Variants in PSAP observed in about 807,000 individuals in gnomAD.
The protein encoded by PSAP is prosaposin, also known as precursor of saposins.
A neutral mutation model predicts 66.0 loss-of-function variants in PSAP; 25 were observed. The observed-to-expected ratio is 0.38, with a 90% confidence interval of 0.28 to 0.53. The LOEUF (loss-of-function observed/expected upper bound fraction) is 0.53, where lower values mean the gene tolerates loss of function less well. PSAP is among the 20% of genes least tolerant of loss of function. The pLI is 0.83. For missense variants in PSAP, 649 were observed against 668.8 expected (o/e 0.97, Z 0.33); for synonymous variants, 273 against 258.9 (o/e 1.05, Z -0.52).
intron 1 of PSAP, among the ~76,000 whole-genome samples, chr10:71,841,500 G>T (rs1011918148): frequency 6.6e-6 from 1 of 152,176 alleles, no homozygotes; most frequent in Non-Finnish European, 1.5e-5. Flanking sequence ...GAGGATATCA[G>T]ACTGGCCCAG....
chr10:71,836,211 T>C (rs1418377080), intron 1 of PSAP, among the ~76,000 whole-genome samples: 1 of 152,226 alleles, frequency 6.6e-6, no homozygotes, highest in Non-Finnish European at 1.5e-5. Flanking sequence ...CAGAGGCTGC[T>C]GGTTTGGACT....
At chr10:71,837,639 C>T (rs986785016) in intron 1 of PSAP, among the ~76,000 whole-genome samples, 22 of 152,206 alleles carry the variant, frequency 1.4e-4, no homozygotes, top group Admixed American at 1.3e-4. Flanking sequence ...TGAACAGTCA[C>T]GATTTTCTTT....
chr10:71,843,142 G>A (rs576658016), intron 1 of PSAP, among the ~76,000 whole-genome samples: 1 of 152,136 alleles, frequency 6.6e-6, no homozygotes, highest in Admixed American at 6.5e-5. Flanking sequence ...GGGGAACTCT[G>A]ATAAGGCAAC....
intron 1 of PSAP, among the ~76,000 whole-genome samples, chr10:71,834,828 T>C (rs1426648634): frequency 1.3e-5 from 2 of 152,326 alleles, no homozygotes; most frequent in East Asian, 1.9e-4. Context: ...AACCTTAAAA[T>C]GTTTCCATAA....
chr10:71,847,112 C>G (rs1004099777), intron 1 of PSAP, among the ~76,000 whole-genome samples: 5 of 152,118 alleles, frequency 3.3e-5, no homozygotes, highest in African/African-American at 1.2e-4. Context: ...CTACAAAATG[C>G]CACACCAATC....
At chr10:71,824,657 T>C (rs1842366043) in intron 7 of PSAP, among the ~76,000 whole-genome samples, 1 of 152,254 alleles carries the variant, frequency 6.6e-6, no homozygotes, top group South Asian at 2.1e-4. Flanking sequence ...GAATATTCAA[T>C]GGCCAACATA....
intron 1 of PSAP, among the ~76,000 whole-genome samples, chr10:71,842,543 A>G (rs1842749034): frequency 6.6e-6 from 1 of 152,218 alleles, no homozygotes; most frequent in Non-Finnish European, 1.5e-5. Context: ...TCCTGCAACC[A>G]AAAGTTTGAG....
chr10:71,833,033 A>AAAAAAAAAAAAC (rs1564821821), intron 2 of PSAP, among the ~76,000 whole-genome samples: 1 of 122,134 alleles, frequency 8.2e-6, no homozygotes, highest in Non-Finnish European at 1.6e-5. Flanking sequence ...AAAAAAAAAC[A>AAAAAAAAAAAAC]AAAAACAAAA....
intron 1 of PSAP, among the ~76,000 whole-genome samples, chr10:71,844,298 AT>A (rs915526669): frequency 1.2e-4 from 19 of 152,210 alleles, no homozygotes; most frequent in African/African-American, 4.1e-4. Context: ...ACAAGGAGAC[AT>A]GTACGAGAAT....
chr10:71,822,398 T>C (rs1310556949), intron 7 of PSAP, among the ~76,000 whole-genome samples: 1 of 152,172 alleles, frequency 6.6e-6, no homozygotes, highest in Admixed American at 6.5e-5. Context: ...GGAACTACCA[T>C]GCCCATAAAC....
In PSAP at chr10:71,817,037, G is replaced by C; in HGVS notation, c.*404C>G. 2.9e-6 allele frequency: 1 copy of C among 346,036 alleles called. No homozygotes were observed. The highest frequency in any genetic ancestry group is 2.9e-5 in the South Asian group (1 of 34,252). The allele number at this position is 346,036 out of a possible 1,614,324, so 21.4% of individuals were successfully genotyped here. ...GGGAGGGTCCCTGATCAGGGCAGGA[G>C]GCCACCTCAGAAGCCCAGGCCCACC... On this transcript the variant is annotated 3_prime_UTR_variant, in exon 14 of 14. Coordinates refer to ENST00000394936, the MANE Select transcript of PSAP (RefSeq NM_002778.4).
chr10:71,834,077 G>A (rs983272325), intron 2 of PSAP, among the ~76,000 whole-genome samples: 1 of 152,212 alleles, frequency 6.6e-6, no homozygotes, highest in African/African-American at 2.4e-5. Context: ...CAGAGGCCCA[G>A]AGGCAGCATG....
At chr10:71,841,918 A>C (rs1292757201) in intron 1 of PSAP, among the ~76,000 whole-genome samples, 1 of 152,024 alleles carries the variant, frequency 6.6e-6, no homozygotes, top group Non-Finnish European at 1.5e-5. Context: ...AGGCAGGAGA[A>C]TCACTTGAAC....
chr10:71,830,051 A>G (rs1842481438), intron 4 of PSAP, among the ~76,000 whole-genome samples: 1 of 152,146 alleles, frequency 6.6e-6, no homozygotes, highest in Admixed American at 6.5e-5. Flanking sequence ...CTGGAGGAGA[A>G]GAGTCAGCAA....
chr10:71,834,835 A>G (rs144330770), intron 1 of PSAP, among the ~76,000 whole-genome samples: 35 of 152,248 alleles, frequency 2.3e-4, no homozygotes, highest in South Asian at 4.1e-4. Flanking sequence ...AAATGTTTCC[A>G]TAAGTAACAA....
Position 71,851,185 on chromosome 10 carries a change from C to T in PSAP, c.37G>A (p.Ala13Thr). The change falls in exon 1 of 14, where the codon GCG (alanine) becomes ACG (threonine). Residue 13 changes from alanine to threonine, a missense_variant. By Grantham distance (58) the Ala-to-Thr change is moderately conservative. Transcript: ENST00000394936. ...GGATGAGGGTCCCAGGGCTTACCCG[C>T]GCCCAGGAGGCTGGCCAGGAGGAAG... ...ALFLLASLLG[A>T]ALAGPVLGLK... 6.4e-7 allele frequency: 1 copy of T among 1,551,080 alleles called. No individual in the cohort carries two copies. Among genetic ancestry groups the T allele is most frequent in the East Asian group, 2.4e-5 (1 of 40,918 alleles).
chr10:71,837,134 A>C (rs1842641059), intron 1 of PSAP, among the ~76,000 whole-genome samples: 1 of 152,228 alleles, frequency 6.6e-6, no homozygotes, highest in African/African-American at 2.4e-5. Context: ...AGGAAGTAAC[A>C]CGTAAATTCC....
chr10:71,838,748 C>A (rs1272506339), intron 1 of PSAP, among the ~76,000 whole-genome samples: 1 of 151,934 alleles, frequency 6.6e-6, no homozygotes, highest in Non-Finnish European at 1.5e-5. Flanking sequence ...AAAGCCAGAG[C>A]CTGTCTCAGA....
intron 11 of PSAP, 64 bp from the exon 12 acceptor site, chr10:71,819,175 A>C: frequency 7.2e-7 from 1 of 1,391,052 alleles, no homozygotes; most frequent in East Asian, 2.3e-5. Context: ...GGGGCACAAA[A>C]GGCCAGGCAG....
Sources: allele counts gnomAD v4.1 joint callset (sites outside exome capture counted in the v4.1 genomes callset), GRCh38; gene constraint gnomAD v4.1.1; transcripts MANE v1.5; gene names NCBI Gene and HGNC (gene_info 2026-07-23, HGNC 2026-07-21).